Variants in NDUFAF4 observed in about 807,000 individuals in gnomAD.
NDUFAF4 encodes NADH dehydrogenase [ubiquinone] 1 alpha subcomplex assembly factor 4.
Under a neutral mutation model 15.6 loss-of-function variants are expected in NDUFAF4, and 10 were observed. The ratio of observed to expected loss-of-function variants is 0.64; its 90% CI spans 0.40 to 1.09. The LOEUF is 1.09. NDUFAF4 is among the 50% of genes least tolerant of loss of function. The pLI is 0.01. For missense variants in NDUFAF4, 203 were observed against 207.3 expected (o/e 0.98, Z 0.13); for synonymous variants, 77 against 73.3 (o/e 1.05, Z -0.26).
intron 2 of NDUFAF4, among the ~76,000 whole-genome samples, chr6:96,895,206 A>G (rs1318672253): frequency 6.6e-6 from 1 of 152,222 alleles, no homozygotes; most frequent in African/African-American, 2.4e-5. Context: ...TATAAAATGT[A>G]GTTATAAAAC....
Position 96,897,817 on chromosome 6 carries a change from T to C in NDUFAF4, c.-16A>G, listed in dbSNP as rs772927541. On this transcript the variant is annotated 5_prime_UTR_variant, in exon 1 of 3. Transcript: ENST00000316149. ...GTGCTCCCATCTCCTCATAACATTA[T>C]GCGCTCAGGTTCAGGCCGCACGTGG... The C allele has an allele frequency of 2.1e-5, 34 of 1,613,998 alleles. No homozygotes were observed. Among genetic ancestry groups the C allele is most frequent in the Admixed American group, 5.0e-5 (3 of 60,026 alleles).
chr6:96,897,814 T>C lies in NDUFAF4; in HGVS notation c.-13A>G, dbSNP rs1775410225. Reference sequence around the variant, plus strand: ...CTAGTGCTCCCATCTCCTCATAACATTATGCGCTCAGGTTCAGGCCGCACG... The same window carrying C: ...CTAGTGCTCCCATCTCCTCATAACACTATGCGCTCAGGTTCAGGCCGCACG... On this transcript the variant is annotated 5_prime_UTR_variant, in exon 1 of 3. It removes an upstream start codon present in the reference 5' UTR. Transcript: ENST00000316149. 3 of 1,613,894 alleles carry C rather than the reference T, an allele frequency of 1.9e-6. No individual in the cohort carries two copies.
chr6:96,895,278 A>G (rs1775357989), intron 2 of NDUFAF4, among the ~76,000 whole-genome samples: 1 of 152,206 alleles, frequency 6.6e-6, no homozygotes, highest in African/African-American at 2.4e-5. Context: ...TTCCTTTACC[A>G]CAAAAGGCAA....
intron 1 of NDUFAF4, 53 bp from the exon 2 acceptor site, chr6:96,896,900 T>G: frequency 8.1e-7 from 1 of 1,236,898 alleles, no homozygotes; most frequent in Non-Finnish European, 1.2e-6. Flanking sequence ...TTTCCTGTAA[T>G]ATCCTAAACG....
Position 96,897,775 on chromosome 6 carries a change from G to T in NDUFAF4, c.27C>A (p.Ile9=), listed in dbSNP as rs1190800614. 1.5e-5 allele frequency: 24 copies of T among 1,614,070 alleles called. No individual in the cohort carries two copies. The highest frequency in any genetic ancestry group is 2.0e-5 in the Non-Finnish European group (24 of 1,180,014). ...CTCGGTTCTCTAGGTTGAAATTCCT[G>T]ATACCGCGAATCACTAGTGCTCCCA... The part of the protein sequence containing the change: MGALVIRG[I]RNFNLENRAE... The change falls in exon 1 of 3, where the codon ATC becomes ATA. Residue 9 remains isoleucine, a synonymous_variant. Coordinates refer to ENST00000316149, the MANE Select transcript of NDUFAF4 (RefSeq NM_014165.4).
At chr6:96,892,103 G>C (rs1775323676) in intron 2 of NDUFAF4, among the ~76,000 whole-genome samples, 1 of 152,064 alleles carries the variant, frequency 6.6e-6, no homozygotes, top group Non-Finnish European at 1.5e-5. Flanking sequence ...TGTTTTAAAA[G>C]GGCAGGATTC....
intron 1 of NDUFAF4, 54 bp from the exon 2 acceptor site, chr6:96,896,901 A>G (rs1023916460): frequency 8.1e-7 from 1 of 1,228,676 alleles, no homozygotes; most frequent in Non-Finnish European, 1.2e-6. Context: ...TTCCTGTAAT[A>G]TCCTAAACGC....
chr6:96,891,487 C>T, intron 2 of NDUFAF4, 96 bp from the exon 3 acceptor site: 2 of 1,285,618 alleles, frequency 1.6e-6, no homozygotes, highest in Non-Finnish European at 2.2e-6. Context: ...CAAATAACAA[C>T]TAATATGGTT....
In NDUFAF4 at chr6:96,891,210, T is replaced by A; in HGVS notation, c.422A>T (p.Glu141Val). The A allele has an allele frequency of 6.2e-7, 1 of 1,613,442 alleles. No homozygotes were observed. The highest frequency in any genetic ancestry group is 8.5e-7 in the Non-Finnish European group (1 of 1,179,560). The change falls in exon 3 of 3, where the codon GAA (glutamate) becomes GTA (valine). Residue 141 changes from glutamate (E) to valine (V), a missense_variant. Glu to Val is a moderately radical substitution (Grantham distance 121). Transcript: ENST00000316149. Reference protein sequence around the residue: ...ETWTAEKIMQEYQLEQKDVNS... With the variant: ...ETWTAEKIMQVYQLEQKDVNS... ...CACATCTTTCTGTTCTAACTGGTAT[T>A]CCTGCATTATTTTCTCAGCAGTCCA...
chr6:96,893,779 T>C (rs1292904837), intron 2 of NDUFAF4, among the ~76,000 whole-genome samples: 2 of 149,588 alleles, frequency 1.3e-5, no homozygotes, highest in Admixed American at 1.3e-4. Flanking sequence ...GTCCCAAACG[T>C]GATATAAGTA....
In NDUFAF4 at chr6:96,891,149, G is replaced by T; in HGVS notation, c.483C>A (p.Val161=). The change falls in exon 3 of 3, where the codon GTC becomes GTA. Residue 161 remains valine, a synonymous_variant. Coordinates refer to ENST00000316149, the MANE Select transcript of NDUFAF4 (RefSeq NM_014165.4). ...TCTTGTCTTCAGGAGGGAAGATTTC[G>T]ACTTCAAAAGTAACAAAATATTTAA... ...SLLKYFVTFE[V]EIFPPEDKKA... The T allele has an allele frequency of 1.2e-6, 2 of 1,612,860 alleles. No individual in the cohort carries two copies. The highest frequency in any genetic ancestry group is 1.1e-5 in the South Asian group (1 of 90,866).
At chr6:96,897,578 CCCTCGGCCTCCGGACCCACGCTAGGGA>C in intron 1 of NDUFAF4, 61 bp downstream of exon 1, 1 of 1,565,606 alleles carries the variant, frequency 6.4e-7, no homozygotes, top group Admixed American at 1.7e-5. Context: ...TGACGCCGAT[CCCTCGGCCTCCGGACCCACGCTAGGGA>C]CAGCCGGGCA....
Position 96,889,654 on chromosome 6 carries a change from C to T in NDUFAF4, c.*1450G>A, listed in dbSNP as rs1240060449. ...CTGTTCTCAGCATTACTACAAATGC[C>T]TCATTCCGTCATCACATTGAATTCT... is the stretch of plus-strand genomic sequence containing the variant. On this transcript the variant is annotated 3_prime_UTR_variant, in exon 3 of 3. Coordinates refer to ENST00000316149, the MANE Select transcript of NDUFAF4 (RefSeq NM_014165.4). The T allele has an allele frequency of 6.6e-6, 1 of 152,562 alleles. No individual in the cohort carries two copies. Among genetic ancestry groups the T allele is most frequent in the Non-Finnish European group, 1.5e-5 (1 of 68,036 alleles). The allele number at this position is 152,562 out of a possible 1,614,324, so 9.5% of individuals were successfully genotyped here.
chr6:96,892,088 G>A (rs1775323487), intron 2 of NDUFAF4, among the ~76,000 whole-genome samples: 1 of 152,010 alleles, frequency 6.6e-6, no homozygotes, highest in Non-Finnish European at 1.5e-5. Context: ...ATTAAAAACT[G>A]CACCTGTTTT....
intron 2 of NDUFAF4, among the ~76,000 whole-genome samples, 155 bp downstream of exon 2, chr6:96,896,589 T>A (rs1775376180): frequency 6.6e-6 from 1 of 152,238 alleles, no homozygotes; most frequent in African/African-American, 2.4e-5. Flanking sequence ...TGTCTTGCTG[T>A]CTTACACCAG....
Position 96,891,238 on chromosome 6 carries a change from T to C in NDUFAF4, c.394A>G (p.Thr132Ala). Residue 132 changes from threonine to alanine, a missense_variant, in exon 3 of 3, where the codon ACC becomes GCC. Transcript: ENST00000316149. ...LLNNHKLFPE[T>A]WTAEKIMQEY... ...TGCATTATTTTCTCAGCAGTCCAGG[T>C]TTCTGGGAAAAGCTTATGATTATTG... 2 of 1,613,774 alleles carry C rather than the reference T, an allele frequency of 1.2e-6. No homozygotes were observed. The highest frequency in any genetic ancestry group is 1.7e-6 in the Non-Finnish European group (2 of 1,179,808).
rs1775293410 is a variant in NDUFAF4, at chr6:96,890,048, A to G, written c.*1056T>C. 1 of 152,140 alleles carries G rather than the reference A, an allele frequency of 6.6e-6. No individual in the cohort carries two copies. The highest frequency in any genetic ancestry group is 1.5e-5 in the Non-Finnish European group (1 of 68,010). 9.4% of individuals were successfully genotyped at this position (152,140 alleles called of 1,614,324 possible). On this transcript the variant is annotated 3_prime_UTR_variant, in exon 3 of 3. Coordinates refer to ENST00000316149, the MANE Select transcript of NDUFAF4 (RefSeq NM_014165.4). The stretch of plus-strand genomic sequence containing the variant: ...TAGAAGAAACTCAATCTCCAAGAAG[A>G]TATAGTCTCCCAAAGATCCCCCAAG...
rs1398788258 is a variant in NDUFAF4 at position 96,896,821 on chromosome 6, C to A, written c.163G>T (p.Ala55Ser). 13 of 1,613,810 alleles carry A rather than the reference C, an allele frequency of 8.1e-6. No individual in the cohort carries two copies. Among genetic ancestry groups the A allele is most frequent in the Non-Finnish European group, 1.1e-5 (13 of 1,179,836 alleles). The change falls in exon 2 of 3, where the codon GCT (alanine) becomes TCT (serine). Residue 55 changes from alanine to serine, a missense_variant. Transcript: ENST00000316149. ...GACAGCAGCTTTTCATCTTTACGAG[C>A]AATCTCTCCTTTAACTTCTGGATAG... The part of the protein sequence containing the change: ...SLYPEVKGEI[A>S]RKDEKLLSFL...
intron 2 of NDUFAF4, among the ~76,000 whole-genome samples, chr6:96,893,275 T>C (rs934778122): frequency 3.3e-5 from 5 of 152,160 alleles, no homozygotes; most frequent in South Asian, 2.1e-4. Context: ...TTAGATAAAA[T>C]GCACTTTGTT....
Sources: allele counts gnomAD v4.1 joint callset (sites outside exome capture counted in the v4.1 genomes callset), GRCh38; gene constraint gnomAD v4.1.1; transcripts MANE v1.5; gene names NCBI Gene and HGNC (gene_info 2026-07-23, HGNC 2026-07-21).